Variants in ZNF793 observed in about 807,000 individuals in gnomAD.
ZNF793 encodes the protein zinc finger protein 793.
ZNF793 carries 5 observed loss-of-function variants against 12.4 expected under a neutral mutation model. The ratio of observed to expected loss-of-function variants is 0.40; its 90% CI spans 0.21 to 0.84. ZNF793 has a LOEUF of 0.84. Among genes scored for constraint, ZNF793 ranks in the 40% least tolerant of loss-of-function variants. The pLI, the probability that ZNF793 is intolerant of heterozygous loss-of-function variation, is 0.35. For missense variants in ZNF793, 456 were observed against 495.0 expected (o/e 0.92, Z 0.75); for synonymous variants, 162 against 172.4 (o/e 0.94, Z 0.47).
At position 37,538,156 on chromosome 19, in the gene ZNF793, C is replaced by A. The variant is rs2042525569; in HGVS notation, c.*277C>A. 6.5e-6 allele frequency: 2 copies of A among 308,938 alleles called. No homozygotes were observed. The highest frequency in any genetic ancestry group is 1.2e-5 in the Non-Finnish European group (2 of 167,190). 19.1% of individuals were successfully genotyped at this position (308,938 alleles called of 1,614,324 possible). A position where few individuals can be genotyped will look rare whatever the true frequency, so the allele number is the denominator to read the frequency against. ...GGTCTCGATCTCCTGACCTTGTGAT[C>A]TGCCCGCCTTGTCCTCCCAAAGTGC... On this transcript the variant is annotated 3_prime_UTR_variant, in exon 8 of 8. Transcript: ENST00000627814.
intron 6 of ZNF793, 66 bp downstream of exon 6, chr19:37,532,548 TA>T (rs1810343505): frequency 6.7e-7 from 1 of 1,494,262 alleles, no homozygotes; most frequent in Non-Finnish European, 8.9e-7. Context: ...TCTCAGTTGC[TA>T]AAAGCAACTG....
intron 1 of ZNF793, among the ~76,000 whole-genome samples, chr19:37,507,767 G>A (rs1427489213): frequency 6.6e-6 from 1 of 152,150 alleles, no homozygotes; most frequent in Non-Finnish European, 1.5e-5. Context: ...ATTCATGATT[G>A]GGGGCTGTGT....
rs764872556 is a variant in ZNF793 at position 37,515,314 on chromosome 19, CT to C, written c.-275-4859del. Among the ~76,000 whole-genome samples, 129 of 145,534 alleles carry C rather than the reference CT, an allele frequency of 8.9e-4. 1 individual carries two copies. The highest frequency in any genetic ancestry group is 1.6e-3 in the African/African-American group (63 of 39,986). ...TGACTTTTTTCTTTTTTTCTTTTTT[CT>C]TTTTTTTTTTGAGATGGAGTCTCAC... On this transcript the variant is annotated intron_variant, in intron 2 of 7. Transcript: ENST00000627814.
At chr19:37,525,140 CTT>C (rs553421764) in intron 5 of ZNF793, among the ~76,000 whole-genome samples, 25 of 143,694 alleles carry the variant, frequency 1.7e-4, no homozygotes, top group East Asian at 2.0e-4. Flanking sequence ...TGTTTTCTCT[CTT>C]TTTTTTTTTT....
At chr19:37,517,068 C>T (rs2042338222) in intron 2 of ZNF793, among the ~76,000 whole-genome samples, 1 of 152,196 alleles carries the variant, frequency 6.6e-6, no homozygotes, top group African/African-American at 2.4e-5. Context: ...TTGTTTTTCA[C>T]ATTTCCTTAC....
At chr19:37,527,837 G>A (rs2042428026) in intron 5 of ZNF793, among the ~76,000 whole-genome samples, 1 of 152,148 alleles carries the variant, frequency 6.6e-6, no homozygotes, top group African/African-American at 2.4e-5. Context: ...AATCAACCAA[G>A]GCCCTGTGCA....
chr19:37,514,742 C>T (rs535338386), intron 2 of ZNF793, among the ~76,000 whole-genome samples: 1 of 152,088 alleles, frequency 6.6e-6, no homozygotes, highest in East Asian at 1.9e-4. Context: ...CATAGCCCAA[C>T]CTTCTTATGA....
chr19:37,535,004 G>A (rs1310397061), intron 7 of ZNF793: 1 of 148,960 alleles, frequency 6.7e-6, no homozygotes, highest in African/African-American at 2.5e-5. Context: ...TTTTTTTGTT[G>A]TTATTGTTCA....
Position 37,539,283 on chromosome 19 carries a change from T to C in ZNF793, c.*1404T>C, listed in dbSNP as rs535985480. 4 of 152,324 alleles carry C rather than the reference T, an allele frequency of 2.6e-5. No individual in the cohort carries two copies. Among genetic ancestry groups the C allele is most frequent in the Non-Finnish European group, 2.9e-5 (2 of 68,018 alleles). The allele number at this position is 152,324 out of a possible 1,614,324, so 9.4% of individuals were successfully genotyped here. A position where few individuals can be genotyped will look rare whatever the true frequency, so the allele number is the denominator to read the frequency against. On this transcript the variant is annotated 3_prime_UTR_variant, in exon 8 of 8. Coordinates refer to ENST00000627814, the MANE Select transcript of ZNF793 (RefSeq NM_001013659.3). Reference sequence around the variant, plus strand: ...TCTTAGTCTTGCTTAAAATATCTTGTAGCAAATTAGTAGCATTGCTACACT... The same window carrying C: ...TCTTAGTCTTGCTTAAAATATCTTGCAGCAAATTAGTAGCATTGCTACACT...
At chr19:37,512,664 C>T (rs1351834895) in intron 2 of ZNF793, among the ~76,000 whole-genome samples, 2 of 152,090 alleles carry the variant, frequency 1.3e-5, no homozygotes, top group Admixed American at 1.3e-4. Context: ...TGACCCTTTA[C>T]TCCTAATGTG....
At chr19:37,511,756 A>G (rs147585806) in intron 2 of ZNF793, among the ~76,000 whole-genome samples, 18 of 152,316 alleles carry the variant, frequency 1.2e-4, no homozygotes, top group African/African-American at 4.3e-4. Flanking sequence ...CTGGAAGCCA[A>G]AAACATACAC....
chr19:37,519,934 T>C (rs946239094), intron 2 of ZNF793, among the ~76,000 whole-genome samples: 5 of 152,212 alleles, frequency 3.3e-5, no homozygotes, highest in African/African-American at 1.2e-4. Flanking sequence ...AGGTAAAGTG[T>C]CTAGCCCAGA....
In ZNF793 at chr19:37,538,121, TA is replaced by T. The variant is rs2042524706; in HGVS notation, c.*243del. 5.2e-5 allele frequency: 20 copies of T among 385,728 alleles called. No individual in the cohort carries two copies. The South Asian group carries it at 5.3e-4, about 10-fold the overall frequency. 23.9% of individuals were successfully genotyped at this position (385,728 alleles called of 1,614,324 possible). On this transcript the variant is annotated 3_prime_UTR_variant, in exon 8 of 8. Coordinates refer to ENST00000627814, the MANE Select transcript of ZNF793 (RefSeq NM_001013659.3). The stretch of plus-strand genomic sequence containing the variant: ...TAGTAGAGACGGGGTTTCACCGTGT[TA>T]GCCAGGATGGTCTCGATCTCCTGAC...
chr19:37,508,920 T>C (rs984253504), intron 2 of ZNF793, among the ~76,000 whole-genome samples: 1 of 152,112 alleles, frequency 6.6e-6, no homozygotes, highest in Non-Finnish European at 1.5e-5. Context: ...TAACCTCCAC[T>C]AATCAATTCC....
rs779064380 is a variant in ZNF793, at chr19:37,523,445, C to T, written c.6C>T (p.Ile2=). The T allele has an allele frequency of 8.1e-6, 13 of 1,613,518 alleles. No individual in the cohort carries two copies. Among genetic ancestry groups the T allele is most frequent in the South Asian group, 4.4e-5 (4 of 91,060 alleles). The change falls in exon 5 of 8, where the codon ATC becomes ATT. Residue 2 remains isoleucine, a synonymous_variant. Coordinates refer to ENST00000627814, the MANE Select transcript of ZNF793 (RefSeq NM_001013659.3). ...TTTTTCAAGAACAGCAGAAAATGAT[C>T]GAATACCAGGTAAGTATCACATTAA... M[I]EYQIPVSFKD...
intron 2 of ZNF793, among the ~76,000 whole-genome samples, chr19:37,510,047 T>C (rs531529862): frequency 6.6e-6 from 1 of 152,268 alleles, no homozygotes; most frequent in South Asian, 2.1e-4. Flanking sequence ...ATATAACAGA[T>C]ACTTTTCCAG....
At chr19:37,511,058 G>A (rs1212424647) in intron 2 of ZNF793, among the ~76,000 whole-genome samples, 1 of 152,070 alleles carries the variant, frequency 6.6e-6, no homozygotes, top group African/African-American at 2.4e-5. Context: ...TTATCTTTAA[G>A]GTGCAGCTCA....
rs2042522963 is a variant in ZNF793 at position 37,538,035 on chromosome 19, C to T, written c.*156C>T. 3.3e-6 allele frequency: 3 copies of T among 913,282 alleles called. No individual in the cohort carries two copies. The highest frequency in any genetic ancestry group is 3.1e-5 in the Admixed American group (1 of 32,660). 56.6% of individuals were successfully genotyped at this position (913,282 alleles called of 1,614,324 possible). The stretch of plus-strand genomic sequence containing the variant: ...CACGCCATTCTCCTGCCTCAGCCTC[C>T]CGAGTAGCTGGGACTACAGGTGCCC... On this transcript the variant is annotated 3_prime_UTR_variant, in exon 8 of 8. Coordinates refer to ENST00000627814, the MANE Select transcript of ZNF793 (RefSeq NM_001013659.3).
Position 37,537,878 on chromosome 19 carries a change from G to C in ZNF793, c.1220G>C (p.Ter407SerextTer73). 6.4e-7 allele frequency: 1 copy of C among 1,567,048 alleles called. No individual in the cohort carries two copies. The highest frequency in any genetic ancestry group is 8.7e-7 in the Non-Finnish European group (1 of 1,154,996). Residue 407 changes from the stop codon to serine (S), a stop_lost, in exon 8 of 8, where the codon TGA becomes TCA. Coordinates refer to ENST00000627814, the MANE Select transcript of ZNF793 (RefSeq NM_001013659.3). Reference sequence around the variant, plus strand: ...AACTTAATAATTGTGGGAAATACTTGAGCAAAATATCTGGTTTCATGGTAT... The same window carrying C: ...AACTTAATAATTGTGGGAAATACTTCAGCAAAATATCTGGTTTCATGGTAT... ...NENLIIVGNT* is the reference protein window; with the variant it reads ...NENLIIVGNTS
Sources: allele counts gnomAD v4.1 joint callset (sites outside exome capture counted in the v4.1 genomes callset), GRCh38; gene constraint gnomAD v4.1.1; transcripts MANE v1.5; gene names NCBI Gene and HGNC (gene_info 2026-07-23, HGNC 2026-07-21).